Variants in AFG2A observed in about 807,000 individuals in gnomAD.
AFG2A encodes the protein ATPase family gene 2 protein homolog A.
At chr4:123,308,199 G>A in the AFG2A span, among the ~76,000 whole-genome samples, 1 of 152,198 alleles carries the variant, frequency 6.6e-6, no homozygotes, top group Non-Finnish European at 1.5e-5. Context: ...TCTAATTTAT[G>A]TTAGAAATTA....
At chr4:123,105,208 T>C in the AFG2A span, among the ~76,000 whole-genome samples, 1 of 152,222 alleles carries the variant, frequency 6.6e-6, no homozygotes, top group African/African-American at 2.4e-5. Context: ...TTAAGTCTAC[T>C]CTGCCTGTGC....
At chr4:122,940,586 T>C in the AFG2A span, among the ~76,000 whole-genome samples, 5,930 of 151,910 alleles carry the variant, frequency 0.039, 319 homozygotes, top group African/African-American at 0.13. Context: ...GTAGCTTCCC[T>C]GTTCACTCTG....
At chr4:123,040,463 T>G in the AFG2A span, among the ~76,000 whole-genome samples, 1 of 152,318 alleles carries the variant, frequency 6.6e-6, no homozygotes, top group Admixed American at 6.5e-5. Context: ...AAGAAGAATA[T>G]GTGACAAAGA....
chr4:123,047,686 G>A, the AFG2A span, among the ~76,000 whole-genome samples: 1 of 146,416 alleles, frequency 6.8e-6, no homozygotes. Context: ...ATAGATTCAG[G>A]TCTTATGTTT....
At chr4:123,247,263 AAC>A in the AFG2A span, among the ~76,000 whole-genome samples, 23 of 150,128 alleles carry the variant, frequency 1.5e-4, no homozygotes, top group Non-Finnish European at 3.0e-4. Context: ...TACTAATACT[AAC>A]ATAAATATAT....
At chr4:122,943,002 G>A in the AFG2A span, among the ~76,000 whole-genome samples, 1 of 152,060 alleles carries the variant, frequency 6.6e-6, no homozygotes, top group Non-Finnish European at 1.5e-5. Flanking sequence ...CTGAGAGACA[G>A]TTTGTTATAA....
the AFG2A span, among the ~76,000 whole-genome samples, chr4:122,980,142 C>T: frequency 1.3e-4 from 20 of 152,272 alleles, no homozygotes; most frequent in African/African-American, 4.6e-4. Flanking sequence ...CATTCCTCCC[C>T]TCATTTCTAA....
the AFG2A span, among the ~76,000 whole-genome samples, chr4:123,272,567 A>G: frequency 6.6e-6 from 1 of 151,850 alleles, no homozygotes; most frequent in African/African-American, 2.4e-5. Flanking sequence ...TAGGAATTAG[A>G]GACAAGTTAC....
At chr4:123,055,721 G>A in the AFG2A span, among the ~76,000 whole-genome samples, 2 of 152,316 alleles carry the variant, frequency 1.3e-5, no homozygotes, top group South Asian at 4.1e-4. Context: ...CACACACAGA[G>A]AGAGGGAGAG....
chr4:123,094,273 A>G, the AFG2A span, among the ~76,000 whole-genome samples: 6 of 152,150 alleles, frequency 3.9e-5, no homozygotes, highest in Non-Finnish European at 1.5e-5. Context: ...AGGCCTTTTG[A>G]ACCTGGCCTA....
the AFG2A span, among the ~76,000 whole-genome samples, chr4:122,966,515 C>T: frequency 6.6e-6 from 1 of 152,126 alleles, no homozygotes; most frequent in African/African-American, 2.4e-5. Flanking sequence ...ATGCTGTTCC[C>T]CCTGCTTGGA....
the AFG2A span, among the ~76,000 whole-genome samples, chr4:123,191,609 G>T: frequency 6.6e-6 from 1 of 151,954 alleles, no homozygotes; most frequent in Non-Finnish European, 1.5e-5. Context: ...TTTCTCTTCT[G>T]TATTCTCATT....
the AFG2A span, among the ~76,000 whole-genome samples, chr4:123,092,715 T>A: frequency 6.6e-6 from 1 of 152,184 alleles, no homozygotes; most frequent in Non-Finnish European, 1.5e-5. Flanking sequence ...GGAGCTCATG[T>A]TTCTAAACTC....
At chr4:123,200,139 A>C in the AFG2A span, among the ~76,000 whole-genome samples, 6 of 152,196 alleles carry the variant, frequency 3.9e-5, no homozygotes, top group African/African-American at 1.4e-4. Flanking sequence ...ATTTTGAGGT[A>C]AGAGGTATGG....
At chr4:123,318,856 C>T in the AFG2A span, 9 of 152,004 alleles carry the variant, frequency 5.9e-5, no homozygotes, top group Non-Finnish European at 1.0e-4. Context: ...AAAATTTAAG[C>T]TCAGCAAGGA....
chr4:123,072,183 TCA>T, the AFG2A span, among the ~76,000 whole-genome samples: 2 of 152,202 alleles, frequency 1.3e-5, no homozygotes, highest in Non-Finnish European at 2.9e-5. Flanking sequence ...TTAATGGCCC[TCA>T]CAGCAGTATT....
the AFG2A span, among the ~76,000 whole-genome samples, chr4:123,252,097 C>A: frequency 6.6e-6 from 1 of 151,958 alleles, no homozygotes; most frequent in African/African-American, 2.4e-5. Context: ...TTTTTATTAC[C>A]CATTAATATA....
At chr4:123,156,021 T>G in the AFG2A span, among the ~76,000 whole-genome samples, 2 of 152,182 alleles carry the variant, frequency 1.3e-5, no homozygotes, top group African/African-American at 4.8e-5. Flanking sequence ...GCATGGCAGC[T>G]TCTACCTCTG....
At chr4:123,192,600 G>A in the AFG2A span, among the ~76,000 whole-genome samples, 4 of 152,138 alleles carry the variant, frequency 2.6e-5, no homozygotes, top group Admixed American at 2.0e-4. Flanking sequence ...CTACTCTATC[G>A]AATAATGCAG....
Sources: allele counts gnomAD v4.1 joint callset (sites outside exome capture counted in the v4.1 genomes callset), GRCh38; gene constraint gnomAD v4.1.1; transcripts MANE v1.5; gene names NCBI Gene and HGNC (gene_info 2026-07-23, HGNC 2026-07-21).